Variants in SLC44A1 observed in about 807,000 individuals in gnomAD.
SLC44A1 encodes solute carrier family 44 member 1.
SLC44A1 carries 26 observed loss-of-function variants against 79.3 expected under a neutral mutation model. The ratio of observed to expected loss-of-function variants is 0.33; its 90% CI spans 0.24 to 0.46. The LOEUF is 0.46. SLC44A1 is among the 20% of genes least tolerant of loss of function. The probability of loss-of-function intolerance (pLI) is 1.00; values close to 1 mark genes in which losing one functional copy is unlikely to be tolerated. For missense variants in SLC44A1, 688 were observed against 798.1 expected (o/e 0.86, Z 1.66); for synonymous variants, 263 against 286.2 (o/e 0.92, Z 0.82).
chr9:105,421,624 G>C (rs974717568), intron 15 of SLC44A1, among the ~76,000 whole-genome samples: 2 of 136,408 alleles, frequency 1.5e-5, no homozygotes, highest in African/African-American at 5.5e-5. Context: ...TCCATCTGTC[G>C]CCCAGGTAGG....
chr9:105,316,743 C>T (rs1021391959), intron 3 of SLC44A1, among the ~76,000 whole-genome samples: 1 of 152,138 alleles, frequency 6.6e-6, no homozygotes, highest in African/African-American at 2.4e-5. Flanking sequence ...TTCCTGAGTT[C>T]CTAACAGCAG....
At chr9:105,336,658 A>G (rs1826933752) in intron 4 of SLC44A1, among the ~76,000 whole-genome samples, 1 of 152,186 alleles carries the variant, frequency 6.6e-6, no homozygotes, top group Non-Finnish European at 1.5e-5. Flanking sequence ...AGTGGGTACA[A>G]CTTCTAGCTG....
chr9:105,433,658 C>A (rs1214055164), intron 15 of SLC44A1, among the ~76,000 whole-genome samples: 1 of 151,814 alleles, frequency 6.6e-6, no homozygotes, highest in Non-Finnish European at 1.5e-5. Context: ...CTGCCCAACC[C>A]ATCTCCTAGA....
chr9:105,322,853 T>C (rs534359760), intron 3 of SLC44A1, among the ~76,000 whole-genome samples: 3 of 152,180 alleles, frequency 2.0e-5, no homozygotes, highest in Non-Finnish European at 4.4e-5. Context: ...TGTTATATTT[T>C]GTATAATTTC....
intron 15 of SLC44A1, among the ~76,000 whole-genome samples, chr9:105,432,141 C>G (rs749053443): frequency 4.4e-4 from 67 of 152,156 alleles, no homozygotes; most frequent in Non-Finnish European, 1.0e-4. Context: ...AGGCTCGTCT[C>G]GAGCTCCTGA....
At chr9:105,304,815 A>G (rs1830973760) in intron 2 of SLC44A1, among the ~76,000 whole-genome samples, 1 of 151,984 alleles carries the variant, frequency 6.6e-6, no homozygotes, top group Non-Finnish European at 1.5e-5. Flanking sequence ...AATTGAGCCT[A>G]TGATTTCACT....
At chr9:105,410,630 A>G (rs368417601) in intron 15 of SLC44A1, among the ~76,000 whole-genome samples, 1 of 152,222 alleles carries the variant, frequency 6.6e-6, no homozygotes, top group African/African-American at 2.4e-5. Flanking sequence ...CACCACTTGG[A>G]AAACAGTTTG....
In SLC44A1 at chr9:105,362,858, G is replaced by A. The variant is rs778006877; in HGVS notation, c.938G>A (p.Arg313His). 8.7e-6 allele frequency: 14 copies of A among 1,612,212 alleles called. No homozygotes were observed. Among genetic ancestry groups the A allele is most frequent in the East Asian group, 2.2e-5 (1 of 44,832 alleles). Residue 313 changes from arginine to histidine, a missense_variant, in exon 9 of 16, where the codon CGT becomes CAT. By Grantham distance (29) the Arg-to-His change is conservative. Transcript: ENST00000374720. Reference protein sequence around the residue: ...LFLIMLVMRKRVALTIALFHV... With the variant: ...LFLIMLVMRKHVALTIALFHV... Reference sequence around the variant, plus strand: ...CTGATAATGTTGGTTATGCGCAAACGTGTTGCTCTTACCATCGCCTTGTTC... The same window carrying A: ...CTGATAATGTTGGTTATGCGCAAACATGTTGCTCTTACCATCGCCTTGTTC...
chr9:105,344,552 G>A (rs1163572454), intron 4 of SLC44A1, among the ~76,000 whole-genome samples: 1 of 152,152 alleles, frequency 6.6e-6, no homozygotes, highest in Non-Finnish European at 1.5e-5. Context: ...GTTTTAGGTA[G>A]TATATTTGTA....
intron 9 of SLC44A1, among the ~76,000 whole-genome samples, chr9:105,364,156 A>T (rs1231350998): frequency 6.6e-6 from 1 of 152,234 alleles, no homozygotes; most frequent in Admixed American, 6.5e-5. Flanking sequence ...TATGTAACTT[A>T]TCTGTCCATT....
At chr9:105,336,520 A>G (rs1826926881) in intron 4 of SLC44A1, among the ~76,000 whole-genome samples, 1 of 152,022 alleles carries the variant, frequency 6.6e-6, no homozygotes, top group Admixed American at 6.5e-5. Flanking sequence ...GTAGAGGCCT[A>G]TCTTTTTGAA....
chr9:105,431,335 T>C (rs901277526), intron 15 of SLC44A1, among the ~76,000 whole-genome samples: 2 of 152,240 alleles, frequency 1.3e-5, no homozygotes, highest in Non-Finnish European at 2.9e-5. Flanking sequence ...CAACAACTAT[T>C]TTTTTCCAAA....
chr9:105,344,630 A>G (rs1213799727), intron 4 of SLC44A1, among the ~76,000 whole-genome samples: 1 of 152,230 alleles, frequency 6.6e-6, no homozygotes, highest in Admixed American at 6.5e-5. Flanking sequence ...TATTAAAAAC[A>G]GTTATTTCAT....
chr9:105,296,230 A>G (rs1209384470), intron 1 of SLC44A1, among the ~76,000 whole-genome samples: 2 of 152,178 alleles, frequency 1.3e-5, no homozygotes, highest in East Asian at 3.8e-4. Context: ...CCTTTGTCCA[A>G]GTGAGGGTGA....
chr9:105,336,251 C>CTA (rs1313400656), intron 4 of SLC44A1, among the ~76,000 whole-genome samples: 1 of 151,710 alleles, frequency 6.6e-6, no homozygotes, highest in Non-Finnish European at 1.5e-5. Context: ...TAAATTCTAG[C>CTA]ATCAGTACTT....
In SLC44A1 at chr9:105,397,171, G is replaced by A. The variant is rs1237730537; in HGVS notation, c.*8115G>A. 8.1e-6 allele frequency: 8 copies of A among 985,198 alleles called. No individual in the cohort carries two copies. The highest frequency in any genetic ancestry group is 3.5e-5 in the African/African-American group (2 of 57,222). The allele number at this position is 985,198 out of a possible 1,614,324, so 61.0% of individuals were successfully genotyped here. ...AGAGAACAATCAGCCTATATGAAACGGAGCTTTGAAATGTTTTTCTTGTGC... is the reference window on the plus strand; with the variant it reads ...AGAGAACAATCAGCCTATATGAAACAGAGCTTTGAAATGTTTTTCTTGTGC... On this transcript the variant is annotated 3_prime_UTR_variant, in exon 16 of 16. Coordinates refer to ENST00000374720, the MANE Select transcript of SLC44A1 (RefSeq NM_080546.5).
chr9:105,253,477 C>T (rs1428046428), intron 1 of SLC44A1, among the ~76,000 whole-genome samples: 3 of 152,224 alleles, frequency 2.0e-5, no homozygotes, highest in South Asian at 2.1e-4. Context: ...CGTATAATCC[C>T]AACACTTTGG....
At chr9:105,249,497 G>A (rs1375388101) in intron 1 of SLC44A1, among the ~76,000 whole-genome samples, 1 of 151,108 alleles carries the variant, frequency 6.6e-6, no homozygotes, top group Non-Finnish European at 1.5e-5. Context: ...AGTTAATTTC[G>A]AAATTGGAAA....
chr9:105,404,732 TAAGGAAGA>T lies in SLC44A1; in HGVS notation c.1950+19231_1950+19238del, dbSNP rs577633424. Among the ~76,000 whole-genome samples the T allele has an allele frequency of 9.8e-5, 15 of 152,330 alleles. No individual in the cohort carries two copies. The East Asian group carries it at 2.9e-3, about 29-fold the overall frequency. ...GATGCCTAAAGGAGACAGCATCGTA[TAAGGAAGA>T]GAACAAAGGTTTGGCACTATGGATA... On this transcript the variant is annotated intron_variant, in intron 15 of 15. Transcript: ENST00000374724.
Sources: allele counts gnomAD v4.1 joint callset (sites outside exome capture counted in the v4.1 genomes callset), GRCh38; gene constraint gnomAD v4.1.1; transcripts MANE v1.5; gene names NCBI Gene and HGNC (gene_info 2026-07-23, HGNC 2026-07-21).